Variants in TRIP11 observed in about 807,000 individuals in gnomAD.
TRIP11 encodes thyroid receptor-interacting protein 11.
In TRIP11, 148 loss-of-function variants were observed where a neutral mutation model predicts 223.1. The ratio of observed to expected loss-of-function variants is 0.66; its 90% CI spans 0.58 to 0.76. The LOEUF is 0.76. Ranked by LOEUF, TRIP11 falls within the 30% of genes least tolerant of loss-of-function variation. The pLI is 0.00. For missense variants in TRIP11, 2,043 were observed against 2,222.0 expected (o/e 0.92, Z 1.62); for synonymous variants, 762 against 772.6 (o/e 0.99, Z 0.23).
At chr14:92,017,870 C>G (rs927105705) in intron 4 of TRIP11, 120 bp from the exon 5 acceptor site, 7 of 804,572 alleles carry the variant, frequency 8.7e-6, no homozygotes, top group Non-Finnish European at 1.4e-5. Flanking sequence ...CAGATTCCGA[C>G]TAAAGAATGC....
chr14:92,026,686 G>C (rs771174841), intron 2 of TRIP11: 1 of 1,031,296 alleles, frequency 9.7e-7, no homozygotes, highest in South Asian at 1.3e-5. Context: ...GGAAAATGGG[G>C]AGCAAGAGGC....
At chr14:91,990,621 A>G (rs1326227866) in intron 15 of TRIP11, among the ~76,000 whole-genome samples, 2 of 152,222 alleles carry the variant, frequency 1.3e-5, no homozygotes, top group African/African-American at 2.4e-5. Context: ...TTATGATCAC[A>G]CTGGTGAAGA....
In TRIP11 at chr14:92,014,418, T is replaced by C; in HGVS notation, c.983A>G (p.Asp328Gly). 6.2e-7 allele frequency: 1 copy of C among 1,611,418 alleles called. No individual in the cohort carries two copies. The highest frequency in any genetic ancestry group is 1.7e-4 in the Middle Eastern group (1 of 5,876). ...INKKLSSAENDRDILRREQEQ... is the reference protein window; with the variant it reads ...INKKLSSAENGRDILRREQEQ... ...TTGTTCTCTCCTCAAAATATCTCTGTCATTTTCTGCAGAAGATAATTTTTT... is the reference window on the plus strand; with the variant it reads ...TTGTTCTCTCCTCAAAATATCTCTGCCATTTTCTGCAGAAGATAATTTTTT... Residue 328 changes from aspartate to glycine, a missense_variant, in exon 7 of 21, where the codon GAC becomes GGC. Physicochemically the swap from Asp to Gly is moderately conservative, Grantham distance 94. Transcript: ENST00000267622.
At chr14:91,996,050 T>A (rs2056747047) in intron 13 of TRIP11, among the ~76,000 whole-genome samples, 1 of 152,230 alleles carries the variant, frequency 6.6e-6, no homozygotes, top group Admixed American at 6.5e-5. Context: ...TACAGTTCAG[T>A]GGCACTAAGT....
At chr14:91,980,984 T>C (rs1002693493) in intron 16 of TRIP11, among the ~76,000 whole-genome samples, 37 of 143,504 alleles carry the variant, frequency 2.6e-4, no homozygotes, top group African/African-American at 8.7e-4. Flanking sequence ...AAATTTTATA[T>C]GTATATTATA....
At chr14:91,999,848 AG>A in intron 12 of TRIP11, 119 bp downstream of exon 12, 1 of 1,335,166 alleles carries the variant, frequency 7.5e-7, no homozygotes, top group Non-Finnish European at 1.0e-6. Context: ...TGCACAGCAG[AG>A]GAAGAATAAG....
chr14:91,970,445 T>G (rs1287302366), intron 20 of TRIP11, among the ~76,000 whole-genome samples: 1 of 148,750 alleles, frequency 6.7e-6, no homozygotes, highest in African/African-American at 2.5e-5. Flanking sequence ...AAAAAAAAAA[T>G]GAAAGCACAA....
Position 92,004,984 on chromosome 14 carries a change from T to C in TRIP11, c.2992A>G (p.Lys998Glu). ...TDNSDIFQETKVQSLNIENGS... is the reference protein window; with the variant it reads ...TDNSDIFQETEVQSLNIENGS... The stretch of plus-strand genomic sequence containing the variant: ...TTTTCTATATTAAGGCTCTGAACTT[T>C]TGTTTCTTGAAAAATATCAGAGTTA... The change falls in exon 11 of 21, where the codon AAA (lysine) becomes GAA (glutamate). Residue 998 changes from lysine to glutamate, a missense_variant. Physicochemically the swap from Lys to Glu is moderately conservative, Grantham distance 56. Transcript: ENST00000267622. The C allele has an allele frequency of 1.9e-6, 3 of 1,613,766 alleles. No homozygotes were observed. Among genetic ancestry groups the C allele is most frequent in the Non-Finnish European group, 2.5e-6 (3 of 1,179,960 alleles).
chr14:92,007,237 G>C (rs2056916666), intron 10 of TRIP11, among the ~76,000 whole-genome samples: 2 of 151,512 alleles, frequency 1.3e-5, no homozygotes, highest in African/African-American at 4.9e-5. Context: ...TCTTGACCAG[G>C]CTGGTCTTGA....
intron 1 of TRIP11, among the ~76,000 whole-genome samples, chr14:92,034,545 T>C (rs553663888): frequency 1.8e-4 from 27 of 152,318 alleles, no homozygotes; most frequent in African/African-American, 6.3e-4. Flanking sequence ...AAGTGACCTA[T>C]AAACGAAGAA....
rs528679935 is a variant in TRIP11, at chr14:92,013,038, G to A, written c.1186+1177C>T. Among the ~76,000 whole-genome samples, 3 of 152,302 alleles carry A rather than the reference G, an allele frequency of 2.0e-5. No homozygotes were observed. The South Asian group carries it at 6.2e-4, about 32-fold the overall frequency. On this transcript the variant is annotated intron_variant, in intron 7 of 20. Coordinates refer to ENST00000267622, the MANE Select transcript of TRIP11 (RefSeq NM_004239.4). Reference sequence around the variant, plus strand: ...AATCCCAGCACTTTGGGTGGCCAAGGTGGGCAGATCATGAGGTCAAGAGAT... The same window carrying A: ...AATCCCAGCACTTTGGGTGGCCAAGATGGGCAGATCATGAGGTCAAGAGAT...
rs148788333 is a variant in TRIP11 at position 91,969,609 on chromosome 14, A to C, written c.*64T>G. On this transcript the variant is annotated 3_prime_UTR_variant, in exon 21 of 21. Transcript: ENST00000267622. ...CTCCCCAAAGGCCACTTTGTGATAAAGTACATACATATAGTGTTCATGGTT... is the reference window on the plus strand; with the variant it reads ...CTCCCCAAAGGCCACTTTGTGATAACGTACATACATATAGTGTTCATGGTT... 2 of 1,518,740 alleles carry C rather than the reference A, an allele frequency of 1.3e-6. No homozygotes were observed. The highest frequency in any genetic ancestry group is 4.5e-5 in the East Asian group (2 of 44,382). The allele number at this position is 1,518,740 out of a possible 1,614,324, so 94.1% of individuals were successfully genotyped here.
intron 3 of TRIP11, 105 bp downstream of exon 3, chr14:92,025,205 A>G (rs2057165964): frequency 1.2e-6 from 1 of 859,302 alleles, no homozygotes; most frequent in African/African-American, 1.7e-5. Flanking sequence ...TCACCTTTTC[A>G]TATTTTTACA....
Position 92,003,457 on chromosome 14 carries a change from C to CCTT in TRIP11, c.4516_4518dup (p.Lys1506dup). 2 of 1,613,968 alleles carry CCTT rather than the reference C, an allele frequency of 1.2e-6. No individual in the cohort carries two copies. The highest frequency in any genetic ancestry group is 2.2e-5 in the South Asian group (2 of 91,080). Reference sequence around the variant, plus strand: ...TTCAATAGCTGTTCAAAAGCAAGAGCCTTCTCCTTCATTGAGTGGCACTCA... The same window carrying CCTT: ...TTCAATAGCTGTTCAAAAGCAAGAGCCTTCTTCTCCTTCATTGAGTGGCACTCA... On this transcript the variant is annotated inframe_insertion, in exon 11 of 21. Transcript: ENST00000267622.
Position 92,039,922 on chromosome 14 carries a change from G to C in TRIP11, c.-237C>G. ...CACAGTCACCTACGGAGGGCCTTCT[G>C]CTCATTCCCACGAATTCCCACCGTC... On this transcript the variant is annotated 5_prime_UTR_variant, in exon 1 of 21. Transcript: ENST00000267622. The C allele has an allele frequency of 1.4e-6, 1 of 703,980 alleles. No homozygotes were observed. Among genetic ancestry groups the C allele is most frequent in the Non-Finnish European group, 2.3e-6 (1 of 436,108 alleles). The allele number at this position is 703,980 out of a possible 1,614,324, so 43.6% of individuals were successfully genotyped here. A position where few individuals can be genotyped will look rare whatever the true frequency, so the allele number is the denominator to read the frequency against.
At chr14:92,038,335 T>C (rs897258642) in intron 1 of TRIP11, among the ~76,000 whole-genome samples, 6 of 152,088 alleles carry the variant, frequency 3.9e-5, no homozygotes, top group African/African-American at 1.4e-4. Context: ...GAGCGACCAG[T>C]CATTTCCCAT....
chr14:92,035,927 T>C (rs2057321294), intron 1 of TRIP11, among the ~76,000 whole-genome samples: 1 of 152,202 alleles, frequency 6.6e-6, no homozygotes, highest in Non-Finnish European at 1.5e-5. Flanking sequence ...TATGAATTTG[T>C]GTTGGGTCTC....
chr14:92,021,251 T>G (rs916402030), intron 4 of TRIP11, among the ~76,000 whole-genome samples: 5 of 151,508 alleles, frequency 3.3e-5, no homozygotes, highest in Non-Finnish European at 7.4e-5. Context: ...AAACTAGGCA[T>G]AGTGGCGTGT....
At position 92,006,004 on chromosome 14, in the gene TRIP11, G is replaced by A. The variant is rs1215774930; in HGVS notation, c.1972C>T (p.Leu658Phe). Residue 658 changes from leucine to phenylalanine, a missense_variant, in exon 11 of 21, where the codon CTT (leucine) becomes TTT (phenylalanine). Transcript: ENST00000267622. ...EAEVRNLKQN[L>F]SELEQLNENL... ...TCATTGAGCTGTTCTAATTCTGAAA[G>A]ATTTTGCTTTAAGTTTCTAACTTCA... The A allele has an allele frequency of 6.3e-7, 1 of 1,594,646 alleles. No individual in the cohort carries two copies. The highest frequency in any genetic ancestry group is 8.5e-7 in the Non-Finnish European group (1 of 1,173,868).
Sources: gnomAD v4.1 joint callset for allele counts (sites outside exome capture counted in the v4.1 genomes callset) on GRCh38, gnomAD v4.1.1 for gene constraint, MANE v1.5 for transcripts, NCBI Gene and HGNC (gene_info 2026-07-23, HGNC 2026-07-21) for gene names.